The following PARG variants were observed in gnomAD, a reference collection of about 807,000 sequenced individuals.
The protein encoded by PARG is poly(ADP-ribose) glycohydrolase, also known as mitochondrial poly(ADP-ribose) glycohydrolase.
Under a neutral mutation model 113.0 loss-of-function variants are expected in PARG, and 35 were observed. The observed-to-expected ratio is 0.31, with a 90% CI of 0.24 to 0.41. The LOEUF (loss-of-function observed/expected upper bound fraction) is 0.41. Among genes scored for constraint, PARG ranks in the 10% least tolerant of loss-of-function variants. PARG has a pLI of 1.00. For missense variants in PARG, 797 were observed against 1,169.4 expected (o/e 0.68, Z 4.64); for synonymous variants, 330 against 409.9 (o/e 0.81, Z 2.36).
chr10:49,865,045 A>G (rs1554836589), intron 11 of PARG, among the ~76,000 whole-genome samples: 1 of 151,798 alleles, frequency 6.6e-6, no homozygotes, highest in Non-Finnish European at 1.5e-5. Context: ...GTCTTCACAT[A>G]CAACACTTCT....
chr10:49,941,683 G>A lies in PARG; in HGVS notation c.43C>T (p.Arg15Cys). Residue 15 changes from arginine to cysteine, a missense_variant, in exon 1 of 18, where the codon CGC becomes TGC. Physicochemically the swap from Arg to Cys is radical, Grantham distance 180. Around this residue, in one of 5 missense-constraint regions of PARG, gnomAD observed 27 missense variants for 54.3 expected, o/e 0.50. Transcript: ENST00000616448. ...GGCGAAGTTGTAGCGGCGCCCCAGCGGGGTCGCTTGGTGCAGGGTTCACAG... is the reference window on the plus strand; with the variant it reads ...GGCGAAGTTGTAGCGGCGCCCCAGCAGGGTCGCTTGGTGCAGGGTTCACAG... Reference protein sequence around the residue: ...PGCEPCTKRPRWGAATTSPAA... With the variant: ...PGCEPCTKRPCWGAATTSPAA... 1.3e-6 allele frequency: 2 copies of A among 1,592,600 alleles called. No homozygotes were observed. The highest frequency in any genetic ancestry group is 1.7e-6 in the Non-Finnish European group (2 of 1,171,266).
At chr10:49,888,352 CT>C (rs558069520) in intron 7 of PARG, among the ~76,000 whole-genome samples, 1 of 151,744 alleles carries the variant, frequency 6.6e-6, no homozygotes, top group East Asian at 1.9e-4. Context: ...TCCATGATTC[CT>C]TTTTTTTATA....
chr10:49,937,462 TGA>T (rs1838808758), intron 1 of PARG, among the ~76,000 whole-genome samples: 2 of 146,912 alleles, frequency 1.4e-5, no homozygotes, highest in African/African-American at 2.5e-5. Flanking sequence ...GGCGACAGTG[TGA>T]GACTCTGTCT....
chr10:49,920,518 A>ACG (rs1837781353), intron 6 of PARG, among the ~76,000 whole-genome samples: 1 of 136,710 alleles, frequency 7.3e-6, no homozygotes, highest in Non-Finnish European at 1.6e-5. Context: ...ACACATATAT[A>ACG]TGTATATACA....
chr10:49,891,606 TATATATATATA>T (rs1847789552), intron 7 of PARG, among the ~76,000 whole-genome samples: 1 of 42,170 alleles, frequency 2.4e-5, no homozygotes, highest in African/African-American at 1.4e-4. Context: ...TATATATATA[TATATATATATA>T]TATATATTTT....
intron 12 of PARG, among the ~76,000 whole-genome samples, chr10:49,860,896 G>A (rs1172081317): frequency 6.6e-6 from 1 of 152,102 alleles, no homozygotes; most frequent in Non-Finnish European, 1.5e-5. Flanking sequence ...TGTTAAAGAA[G>A]CATTATAAAT....
At chr10:49,897,879 C>A (rs1422838986) in intron 7 of PARG, among the ~76,000 whole-genome samples, 4 of 152,216 alleles carry the variant, frequency 2.6e-5, no homozygotes, top group Middle Eastern at 3.4e-3. Context: ...GTAGTCCCAG[C>A]TATTTGGGTG....
rs1838551594 is a variant in PARG, at chr10:49,932,730, G to A, written c.1271+447C>T. 1.2e-4 allele frequency among the ~76,000 whole-genome samples: 18 copies of A among 151,806 alleles called. No homozygotes were observed. In the South Asian group the frequency reaches 3.7e-3, roughly 31 times the overall value. ...AAATCCCAGCATTACCACTCAGAAGGTACATGATTCCAGTGAATTCTCTTA... is the reference window on the plus strand; with the variant it reads ...AAATCCCAGCATTACCACTCAGAAGATACATGATTCCAGTGAATTCTCTTA... On this transcript the variant is annotated intron_variant, in intron 3 of 17. Coordinates refer to ENST00000616448, the MANE Select transcript of PARG (RefSeq NM_003631.5).
Position 49,819,236 on chromosome 10 carries a change from T to G in PARG, c.*104A>C. The G allele has an allele frequency of 1.1e-6, 1 of 905,538 alleles. No homozygotes were observed. Among genetic ancestry groups the G allele is most frequent in the Non-Finnish European group, 1.7e-6 (1 of 599,814 alleles). The allele number at this position is 905,538 out of a possible 1,614,324, so 56.1% of individuals were successfully genotyped here. A position where few individuals can be genotyped will look rare whatever the true frequency, so the allele number is the denominator to read the frequency against. ...CGTCCTTGACTACAAATGTGGATTATGTACACATTTATATTAACTTAAGTC... is the reference window on the plus strand; with the variant it reads ...CGTCCTTGACTACAAATGTGGATTAGGTACACATTTATATTAACTTAAGTC... On this transcript the variant is annotated 3_prime_UTR_variant, in exon 18 of 18. Transcript: ENST00000616448.
At chr10:49,897,861 C>G (rs1427418870) in intron 7 of PARG, among the ~76,000 whole-genome samples, 1 of 152,014 alleles carries the variant, frequency 6.6e-6, no homozygotes, top group African/African-American at 2.4e-5. Context: ...GCATTGTGGC[C>G]CACACCTGTA....
intron 7 of PARG, among the ~76,000 whole-genome samples, chr10:49,915,271 C>A (rs1837407357): frequency 6.6e-6 from 1 of 150,892 alleles, no homozygotes; most frequent in Non-Finnish European, 1.5e-5. Flanking sequence ...ACAAAGAATG[C>A]CTAAAATTCA....
At chr10:49,897,834 A>C (rs1848165414) in intron 7 of PARG, among the ~76,000 whole-genome samples, 1 of 152,172 alleles carries the variant, frequency 6.6e-6, no homozygotes. Context: ...TCTACTAAAA[A>C]TACAAAAATT....
intron 11 of PARG, among the ~76,000 whole-genome samples, chr10:49,863,112 AC>A (rs1564620132): frequency 6.7e-6 from 1 of 150,142 alleles, no homozygotes; most frequent in African/African-American, 2.5e-5. Flanking sequence ...CATCCTCTAC[AC>A]CCCCGCCCCA....
At chr10:49,924,604 G>C (rs1220260898) in intron 4 of PARG, among the ~76,000 whole-genome samples, 2 of 149,836 alleles carry the variant, frequency 1.3e-5, no homozygotes, top group Middle Eastern at 3.4e-3. Context: ...CCATACACTA[G>C]TTCAGGCCAT....
chr10:49,852,938 G>GT (rs1215559669), intron 13 of PARG, among the ~76,000 whole-genome samples: 1 of 150,324 alleles, frequency 6.7e-6, no homozygotes, highest in Non-Finnish European at 1.5e-5. Flanking sequence ...ATTTTACCAA[G>GT]TTTTTTATTT....
chr10:49,849,797 G>C (rs1554833885), intron 13 of PARG, among the ~76,000 whole-genome samples: 2 of 151,882 alleles, frequency 1.3e-5, no homozygotes, highest in Admixed American at 1.3e-4. Flanking sequence ...AGGACTGCCT[G>C]AGCCCAGGAG....
In PARG at chr10:49,819,508, G is replaced by C; in HGVS notation, c.2777-14C>G. On this transcript the variant is annotated splice_polypyrimidine_tract_variant and intron_variant, in intron 17 of 17. Coordinates refer to ENST00000616448, the MANE Select transcript of PARG (RefSeq NM_003631.5). ...TATACACATCTCCTGGAGAGCAAAA[G>C]GTCAGACCAGAGGCACATTAAAGTA... 1.3e-6 allele frequency: 2 copies of C among 1,546,196 alleles called. No individual in the cohort carries two copies.
At chr10:49,911,006 G>C (rs1438531805) in intron 7 of PARG, among the ~76,000 whole-genome samples, 1 of 152,128 alleles carries the variant, frequency 6.6e-6, no homozygotes, top group Non-Finnish European at 1.5e-5. Context: ...TATTTGGCTG[G>C]GCACAGTGGC....
rs1564598318 is a variant in PARG at position 49,832,785 on chromosome 10, T to G, written c.2647+18A>C. 4.8e-6 allele frequency: 7 copies of G among 1,455,436 alleles called. No homozygotes were observed. The highest frequency in any genetic ancestry group is 6.6e-6 in the Non-Finnish European group (7 of 1,062,632). 90.2% of individuals were successfully genotyped at this position (1,455,436 alleles called of 1,614,324 possible). A position where few individuals can be genotyped will look rare whatever the true frequency, so the allele number is the denominator to read the frequency against. On this transcript the variant is annotated intron_variant, in intron 16 of 17. Coordinates refer to ENST00000616448, the MANE Select transcript of PARG (RefSeq NM_003631.5). ...TTGTGTGGGCAGAATGCTTTTATCC[T>G]TTTCTACAACAACTTACCTTTTAAC...
Sources: gnomAD v4.1 joint callset for allele counts (sites outside exome capture counted in the v4.1 genomes callset) on GRCh38, gnomAD v4.1.1 for gene constraint, gnomAD v4.1.1 regional missense constraint, MANE v1.5 for transcripts, NCBI Gene and HGNC (gene_info 2026-07-23, HGNC 2026-07-21) for gene names.